Variants in EXD3 observed in about 807,000 individuals in gnomAD.
EXD3 encodes the protein exonuclease mut-7 homolog.
A neutral mutation model predicts 98.0 loss-of-function variants in EXD3; 92 were observed. That is an observed-to-expected ratio of 0.94 (90% CI 0.79 to 1.12). The LOEUF is 1.12. EXD3 is among the 50% of genes most tolerant of loss of function. EXD3 has a pLI of 0.00. For missense variants in EXD3, 1,222 were observed against 1,191.6 expected (o/e 1.03, Z -0.38); for synonymous variants, 569 against 526.0 (o/e 1.08, Z -1.12).
chr9:137,389,686 T>C (rs1391497427), intron 2 of EXD3, among the ~76,000 whole-genome samples: 1 of 151,936 alleles, frequency 6.6e-6, no homozygotes, highest in Non-Finnish European at 1.5e-5. Context: ...AGCAAGGAGC[T>C]GGGACGCTGG....
intron 1 of EXD3, among the ~76,000 whole-genome samples, chr9:137,417,810 G>A (rs987773929): frequency 6.6e-6 from 1 of 152,132 alleles, no homozygotes; most frequent in Non-Finnish European, 1.5e-5. Flanking sequence ...GCCGCGGGCC[G>A]GTCCTGCCCA....
chr9:137,402,865 C>T (rs1488609913), intron 1 of EXD3, among the ~76,000 whole-genome samples: 1 of 152,116 alleles, frequency 6.6e-6, no homozygotes, highest in African/African-American at 2.4e-5. Flanking sequence ...GCGAAAGGCA[C>T]TTCTTACATG....
chr9:137,328,466 T>TC (rs1832618272), intron 17 of EXD3, among the ~76,000 whole-genome samples: 12 of 7,074 alleles, frequency 1.7e-3, no homozygotes, highest in African/African-American at 2.5e-3. Context: ...AATATACACC[T>TC]ATATGATGAG....
chr9:137,349,353 C>T lies in EXD3; in HGVS notation c.1657+16G>A. Reference sequence around the variant, plus strand: ...GGGCGTGAGGAGGGGTCACTCCCACCCGCCGCACCGCACACCTGCGTAGAT... The same window carrying T: ...GGGCGTGAGGAGGGGTCACTCCCACTCGCCGCACCGCACACCTGCGTAGAT... On this transcript the variant is annotated intron_variant, in intron 15 of 21. Transcript: ENST00000340951. This position sits in a 1 kb window ranked among gnomAD's most constrained non-coding sequence, Gnocchi z 7.4. The T allele has an allele frequency of 6.4e-7, 1 of 1,567,030 alleles. No homozygotes were observed.
intron 19 of EXD3, among the ~76,000 whole-genome samples, chr9:137,317,869 C>T (rs1443647533): frequency 6.6e-6 from 1 of 152,206 alleles, no homozygotes; most frequent in Non-Finnish European, 1.5e-5. Context: ...GGCTGGGCCC[C>T]TACCGCCACC....
At position 137,366,780 on chromosome 9, in the gene EXD3, C is replaced by G; in HGVS notation, c.517-148G>C. On this transcript the variant is annotated intron_variant, in intron 6 of 21. Coordinates refer to ENST00000340951, the MANE Select transcript of EXD3 (RefSeq NM_017820.5). ...CAGCAGTGCTCGCCCGGCCAGTGCT[C>G]ACGCTCACACACACTCGCCCAAGGC... is the stretch of plus-strand genomic sequence containing the variant. 6.1e-6 allele frequency: 6 copies of G among 990,614 alleles called. No individual in the cohort carries two copies. In the South Asian group the frequency reaches 1.0e-4, roughly 17 times the overall value. 61.4% of individuals were successfully genotyped at this position (990,614 alleles called of 1,614,324 possible).
chr9:137,361,317 G>A lies in EXD3; in HGVS notation c.657-4949C>T, dbSNP rs1834988061. The stretch of plus-strand genomic sequence containing the variant: ...ACACAAAGCAGAGGAAGGGCCACCT[G>A]AACACATTACAGGGAAAAGTTTTCA... On this transcript the variant is annotated intron_variant, in intron 7 of 21. Transcript: ENST00000340951. 2.3e-5 allele frequency among the ~76,000 whole-genome samples: 2 copies of A among 87,098 alleles called. 1 individual carries two copies. Among genetic ancestry groups the A allele is most frequent in the Admixed American group, 2.7e-4 (2 of 7,350 alleles). 57.1% of individuals were successfully genotyped at this position (87,098 alleles called of 152,430 possible). A position where few individuals can be genotyped will look rare whatever the true frequency, so the allele number is the denominator to read the frequency against.
At chr9:137,308,300 A>G (rs1053949696) in intron 20 of EXD3, among the ~76,000 whole-genome samples, 1 of 152,294 alleles carries the variant, frequency 6.6e-6, no homozygotes, top group Admixed American at 6.5e-5. Flanking sequence ...GCTCCAGATC[A>G]GCTGCGGCCG....
At position 137,351,330 on chromosome 9, in the gene EXD3, T is replaced by C. The variant is rs964844705; in HGVS notation, c.1372A>G (p.Ile458Val). The part of the protein sequence containing the change: ...LVAQLLSDPS[I>V]TKLGYGMVGD... ...GGGCTTCACTCACCCAGCTTGGTGATAGAGGGGTCCGAGAGGAGCTGGGCC... is the reference window on the plus strand; with the variant it reads ...GGGCTTCACTCACCCAGCTTGGTGACAGAGGGGTCCGAGAGGAGCTGGGCC... The change falls in exon 13 of 22, where the codon ATC becomes GTC. Residue 458 changes from isoleucine to valine, a missense_variant. By Grantham distance (29) the Ile-to-Val change is conservative. Coordinates refer to ENST00000340951, the MANE Select transcript of EXD3 (RefSeq NM_017820.5). 1.2e-6 allele frequency: 2 copies of C among 1,611,540 alleles called. No individual in the cohort carries two copies. The highest frequency in any genetic ancestry group is 1.1e-5 in the South Asian group (1 of 90,902).
At chr9:137,413,503 C>CTTT (rs768508083) in intron 1 of EXD3, among the ~76,000 whole-genome samples, 5 of 128,758 alleles carry the variant, frequency 3.9e-5, no homozygotes, top group African/African-American at 5.9e-5. Flanking sequence ...CCTGGCCTAG[C>CTTT]TTTTTTTTTT....
At chr9:137,343,711 C>T (rs1453691971) in intron 17 of EXD3, among the ~76,000 whole-genome samples, 1 of 147,494 alleles carries the variant, frequency 6.8e-6, no homozygotes, top group East Asian at 2.0e-4. Flanking sequence ...GCCTCAGCCT[C>T]CCGAGTAGCT....
intron 11 of EXD3, 148 bp from the exon 12 acceptor site, chr9:137,352,349 C>G: frequency 8.4e-7 from 1 of 1,193,216 alleles, no homozygotes; most frequent in Non-Finnish European, 1.2e-6. Flanking sequence ...TCCAGCCCAG[C>G]GTGACCCTTG....
At chr9:137,406,504 G>A (rs558022412) in intron 1 of EXD3, among the ~76,000 whole-genome samples, 12 of 151,780 alleles carry the variant, frequency 7.9e-5, no homozygotes, top group Non-Finnish European at 1.8e-4. Flanking sequence ...CCAAACGGCA[G>A]AGGCGACGGC....
chr9:137,373,197 G>T, intron 4 of EXD3, 125 bp from the exon 5 acceptor site: 1 of 1,272,144 alleles, frequency 7.9e-7, no homozygotes, highest in Middle Eastern at 2.6e-4. Context: ...GCATCGGGTG[G>T]TCTGCAGGGC....
At chr9:137,399,414 T>G (rs960747802) in intron 1 of EXD3, among the ~76,000 whole-genome samples, 1 of 152,242 alleles carries the variant, frequency 6.6e-6, no homozygotes, top group Non-Finnish European at 1.5e-5. Flanking sequence ...TCCTGAGAAT[T>G]ACTTTGTCTT....
intron 2 of EXD3, among the ~76,000 whole-genome samples, chr9:137,390,445 A>G (rs1836846878): frequency 6.6e-6 from 1 of 151,910 alleles, no homozygotes; most frequent in Non-Finnish European, 1.5e-5. Context: ...AAAAAAAAAA[A>G]AGTAAATAAA....
At chr9:137,353,575 A>C in intron 10 of EXD3, 4 of 985,662 alleles carry the variant, frequency 4.1e-6, no homozygotes, top group Non-Finnish European at 4.8e-6. Flanking sequence ...CCTCATCCTC[A>C]CCAGGGTGAG....
In EXD3 at chr9:137,371,298, C is replaced by T. The variant is rs1045715291; in HGVS notation, c.462+1607G>A. Among the ~76,000 whole-genome samples, 16 of 152,214 alleles carry T rather than the reference C, an allele frequency of 1.1e-4. No individual in the cohort carries two copies. The highest frequency in any genetic ancestry group is 2.2e-4 in the African/African-American group (9 of 41,470). On this transcript the variant is annotated intron_variant, in intron 5 of 21. Coordinates refer to ENST00000340951, the MANE Select transcript of EXD3 (RefSeq NM_017820.5). The surrounding 1 kb of genome is among the most constrained non-coding windows in gnomAD (Gnocchi z 8.0). ...CCCTCCATCCTGCATTGTCCTGTGCCGGGACATGGTGGCTTCTCAGCGCCA... is the reference window on the plus strand; with the variant it reads ...CCCTCCATCCTGCATTGTCCTGTGCTGGGACATGGTGGCTTCTCAGCGCCA...
intron 2 of EXD3, 54 bp from the exon 3 acceptor site, chr9:137,383,431 G>A (rs1033402603): frequency 5.9e-6 from 8 of 1,353,370 alleles, no homozygotes; most frequent in African/African-American, 3.0e-5. Flanking sequence ...AGGGGCTATC[G>A]CACAGCCCGC....
Sources: gnomAD v4.1 joint callset for allele counts (sites outside exome capture counted in the v4.1 genomes callset) on GRCh38, gnomAD v4.1.1 for gene constraint, Gnocchi (gnomAD v3.1) non-coding constraint, MANE v1.5 for transcripts, NCBI Gene and HGNC (gene_info 2026-07-23, HGNC 2026-07-21) for gene names.